The following NRXN1 variants were observed in gnomAD, a reference collection of about 807,000 sequenced individuals.
The protein encoded by NRXN1 is neurexin-1.
A neutral mutation model predicts 150.9 loss-of-function variants in NRXN1; 39 were observed. That is an observed-to-expected ratio of 0.26 (90% CI 0.20 to 0.34). NRXN1 has a LOEUF of 0.34. NRXN1 is among the 10% of genes least tolerant of loss of function. NRXN1 has a pLI of 1.00. For missense variants in NRXN1, 1,815 were observed against 1,949.9 expected (o/e 0.93, Z 1.30); for synonymous variants, 924 against 757.0 (o/e 1.22, Z -3.62).
intron 19 of NRXN1, among the ~76,000 whole-genome samples, chr2:50,055,309 G>A (rs750610206): frequency 6.6e-6 from 1 of 152,084 alleles, no homozygotes; most frequent in Non-Finnish European, 1.5e-5. Context: ...AGACAGACCC[G>A]AACAACCAAT....
At chr2:50,873,658 T>C (rs1329930167) in intron 5 of NRXN1, among the ~76,000 whole-genome samples, 2 of 151,856 alleles carry the variant, frequency 1.3e-5, no homozygotes, top group East Asian at 2.0e-4. Flanking sequence ...TGGCAGAATA[T>C]ACAAATTGCT....
intron 19 of NRXN1, among the ~76,000 whole-genome samples, chr2:50,086,821 TGAGAGAGAGA>T (rs3046671): frequency 2.1e-5 from 3 of 142,842 alleles, no homozygotes; most frequent in African/African-American, 5.2e-5. Flanking sequence ...CAGAGAAGAA[TGAGAGAGAGA>T]GAGAGAGAGA....
intron 12 of NRXN1, among the ~76,000 whole-genome samples, chr2:50,515,600 G>T (rs867501927): frequency 7.0e-6 from 1 of 143,426 alleles, no homozygotes; most frequent in Non-Finnish European, 1.5e-5. Context: ...AAATGCTTGG[G>T]GTGTGTGTGT....
rs111455809 is a variant in NRXN1 at position 50,782,311 on chromosome 2, A to C, written c.832+139558T>G. Among the ~76,000 whole-genome samples the C allele has an allele frequency of 1.9e-3, 282 of 152,192 alleles. 4 individuals are homozygous for C. Among genetic ancestry groups the C allele is most frequent in the African/African-American group, 6.6e-3 (274 of 41,544 alleles). On this transcript the variant is annotated intron_variant, in intron 5 of 22. Transcript: ENST00000401669. Reference sequence around the variant, plus strand: ...TGGTGAAATCCCATCTCTACTAAAAATACAAAAAATTAGCCAGGTGTGGTG... The same window carrying C: ...TGGTGAAATCCCATCTCTACTAAAACTACAAAAAATTAGCCAGGTGTGGTG...
At chr2:50,217,229 A>C (rs1419094557) in intron 18 of NRXN1, among the ~76,000 whole-genome samples, 2 of 152,124 alleles carry the variant, frequency 1.3e-5, no homozygotes, top group Non-Finnish European at 1.5e-5. Context: ...TATGTTTTAC[A>C]TAATAAAATT....
At chr2:50,717,193 T>C (rs1185713141) in intron 5 of NRXN1, among the ~76,000 whole-genome samples, 1 of 152,232 alleles carries the variant, frequency 6.6e-6, no homozygotes, top group African/African-American at 2.4e-5. Flanking sequence ...GTTACTTCAT[T>C]TTAACATGTT....
At chr2:50,400,382 T>C (rs188417427) in intron 17 of NRXN1, among the ~76,000 whole-genome samples, 1 of 152,182 alleles carries the variant, frequency 6.6e-6, no homozygotes, top group Non-Finnish European at 1.5e-5. Context: ...TAGAACTCCA[T>C]AAGGAGTGCT....
intron 5 of NRXN1, among the ~76,000 whole-genome samples, chr2:50,703,276 A>C (rs1002225466): frequency 6.6e-6 from 1 of 152,050 alleles, no homozygotes; most frequent in Non-Finnish European, 1.5e-5. Flanking sequence ...AAAGACTAAA[A>C]TGTACCTGCC....
At chr2:50,295,042 T>C (rs190527450) in intron 17 of NRXN1, among the ~76,000 whole-genome samples, 175 of 152,344 alleles carry the variant, frequency 1.1e-3, no homozygotes, top group Middle Eastern at 3.4e-3. Context: ...AACACTCTGT[T>C]TGCATGTTAA....
At chr2:50,210,571 T>G (rs908034730) in intron 18 of NRXN1, among the ~76,000 whole-genome samples, 2 of 151,772 alleles carry the variant, frequency 1.3e-5, no homozygotes, top group African/African-American at 2.4e-5. Context: ...ATTATTAAAC[T>G]TGTTGATCCA....
chr2:50,860,466 T>C (rs943974611), intron 5 of NRXN1, among the ~76,000 whole-genome samples: 2 of 151,612 alleles, frequency 1.3e-5, no homozygotes, highest in African/African-American at 4.9e-5. Context: ...TGTGGAAGGG[T>C]TGGGGTGAAA....
At position 50,825,167 on chromosome 2, in the gene NRXN1, G is replaced by A. The variant is rs555425717; in HGVS notation, c.832+96702C>T. Among the ~76,000 whole-genome samples the A allele has an allele frequency of 7.2e-5, 11 of 152,208 alleles. No individual in the cohort carries two copies. The East Asian group carries it at 9.7e-4, about 13-fold the overall frequency. On this transcript the variant is annotated intron_variant, in intron 5 of 22. Transcript: ENST00000401669. Reference sequence around the variant, plus strand: ...CAGTTCATGGGCTTGAATTGTAACCGGGAAGAAGACAAATATAATTCCTGC... The same window carrying A: ...CAGTTCATGGGCTTGAATTGTAACCAGGAAGAAGACAAATATAATTCCTGC...
chr2:50,622,852 C>T (rs976338364), intron 6 of NRXN1, among the ~76,000 whole-genome samples: 3 of 152,196 alleles, frequency 2.0e-5, no homozygotes, highest in Non-Finnish European at 2.9e-5. Context: ...TTCTCTTGTC[C>T]CCATTTTGGG....
chr2:50,895,406 A>G (rs1681769645), intron 5 of NRXN1, among the ~76,000 whole-genome samples: 1 of 152,150 alleles, frequency 6.6e-6, no homozygotes, highest in Non-Finnish European at 1.5e-5. Context: ...TTCATTATAG[A>G]TAAGTTGCTT....
At chr2:50,037,222 T>C (rs1553513566) in intron 21 of NRXN1, among the ~76,000 whole-genome samples, 1 of 148,696 alleles carries the variant, frequency 6.7e-6, no homozygotes, top group African/African-American at 2.6e-5. Flanking sequence ...GAGTGTAAAA[T>C]TTTTATCTCC....
At chr2:50,161,495 G>A (rs181273550) in intron 18 of NRXN1, among the ~76,000 whole-genome samples, 43 of 152,242 alleles carry the variant, frequency 2.8e-4, no homozygotes, top group Non-Finnish European at 5.4e-4. Flanking sequence ...TCTTGGGTAA[G>A]GGGCATCCTT....
intron 5 of NRXN1, among the ~76,000 whole-genome samples, chr2:50,816,674 C>T (rs1471737225): frequency 2.0e-5 from 3 of 152,192 alleles, no homozygotes; most frequent in East Asian, 1.9e-4. Flanking sequence ...GAAAGCCTCT[C>T]GTGATGATGT....
chr2:50,207,145 G>A (rs149933403), intron 18 of NRXN1, among the ~76,000 whole-genome samples: 5 of 152,132 alleles, frequency 3.3e-5, no homozygotes, highest in African/African-American at 4.8e-5. Context: ...TAATCAATAC[G>A]ATGTGCTAGA....
intron 5 of NRXN1, among the ~76,000 whole-genome samples, chr2:50,845,697 A>G (rs935182591): frequency 9.9e-5 from 15 of 152,228 alleles, no homozygotes; most frequent in African/African-American, 3.6e-4. Flanking sequence ...ATACAGTAGC[A>G]TATTCCACAA....
Sources: allele counts gnomAD v4.1 joint callset (sites outside exome capture counted in the v4.1 genomes callset), GRCh38; gene constraint gnomAD v4.1.1; transcripts MANE v1.5; gene names NCBI Gene and HGNC (gene_info 2026-07-23, HGNC 2026-07-21).